The following FBXL4 variants were observed in gnomAD, a reference collection of about 807,000 sequenced individuals.
The protein encoded by FBXL4 is F-box and leucine rich repeat protein 4.
Under a neutral mutation model 58.9 loss-of-function variants are expected in FBXL4, and 40 were observed. The ratio of observed to expected loss-of-function variants is 0.68; its 90% CI spans 0.53 to 0.88. The LOEUF (loss-of-function observed/expected upper bound fraction) is 0.88, where lower values mean the gene tolerates loss of function less well. FBXL4 is among the 40% of genes least tolerant of loss of function. The probability of loss-of-function intolerance (pLI) is 0.00; values close to 1 mark genes in which losing one functional copy is unlikely to be tolerated. For synonymous variants in FBXL4, 263 were observed against 265.5 expected, an observed-to-expected ratio of 0.99 and a Z score of 0.09; for missense variants, 676 against 734.4, an observed-to-expected ratio of 0.92 and a Z score of 0.92.
chr6:98,905,531 T>C lies in FBXL4; in HGVS notation c.998A>G (p.Asp333Gly), dbSNP rs2128393195. 14 of 1,614,000 alleles carry C rather than the reference T, an allele frequency of 8.7e-6. 1 individual carries two copies. The highest frequency in any genetic ancestry group is 6.7e-5 in the East Asian group (3 of 44,856). Residue 333 changes from aspartate to glycine, a missense_variant, in exon 6 of 10, where the codon GAT becomes GGT. Coordinates refer to ENST00000369244, the MANE Select transcript of FBXL4 (RefSeq NM_001278716.2). ...CTGTAGAAATTCCAGAGAAGTGTCA[T>C]CTAGTTTTGCCCAGTATGGTTGCAG... ...LNLQPYWAKLDDTSLEFLQSR... is the reference protein window; with the variant it reads ...LNLQPYWAKLGDTSLEFLQSR...
rs143426881 is a variant in FBXL4 at position 98,939,835 on chromosome 6, G to A, written c.-308-4956C>T. On this transcript the variant is annotated intron_variant, in intron 1 of 9. Transcript: ENST00000369244. Reference sequence around the variant, plus strand: ...GAATCACAAGAAATCACTTCTTACTGTAATACACAATTTACTAGAGACAAA... The same window carrying A: ...GAATCACAAGAAATCACTTCTTACTATAATACACAATTTACTAGAGACAAA... Among the ~76,000 whole-genome samples the A allele has an allele frequency of 2.4e-3, 369 of 152,290 alleles. 2 individuals carry two copies. Among genetic ancestry groups the A allele is most frequent in the African/African-American group, 7.0e-3 (292 of 41,558 alleles).
At chr6:98,914,705 C>T (rs1772261512) in intron 5 of FBXL4, among the ~76,000 whole-genome samples, 1 of 152,166 alleles carries the variant, frequency 6.6e-6, no homozygotes, top group Non-Finnish European at 1.5e-5. Flanking sequence ...AACCCACAGC[C>T]TATATCATAC....
chr6:98,884,029 T>C (rs1198543653), intron 7 of FBXL4, among the ~76,000 whole-genome samples: 1 of 152,046 alleles, frequency 6.6e-6, no homozygotes, highest in African/African-American at 2.4e-5. Flanking sequence ...CATAATTTTT[T>C]TTTATATCTG....
intron 1 of FBXL4, among the ~76,000 whole-genome samples, chr6:98,938,970 C>G (rs955911222): frequency 6.7e-6 from 1 of 149,942 alleles, no homozygotes; most frequent in Non-Finnish European, 1.5e-5. Context: ...CACCTGTAAT[C>G]CTAGCTATTT....
chr6:98,925,877 G>T (rs934995080), intron 4 of FBXL4, among the ~76,000 whole-genome samples: 8 of 152,124 alleles, frequency 5.3e-5, no homozygotes, highest in African/African-American at 1.9e-4. Flanking sequence ...GGAGAACAGG[G>T]TACATGTGAG....
At chr6:98,901,862 T>C (rs1279614355) in intron 6 of FBXL4, among the ~76,000 whole-genome samples, 3 of 152,188 alleles carry the variant, frequency 2.0e-5, no homozygotes, top group Non-Finnish European at 4.4e-5. Context: ...GTTTACTTCC[T>C]GCAGTCAATT....
chr6:98,876,102 T>C (rs932617882), intron 8 of FBXL4, among the ~76,000 whole-genome samples: 16 of 152,308 alleles, frequency 1.1e-4, no homozygotes, highest in Middle Eastern at 6.8e-3. Flanking sequence ...GTTTTATATA[T>C]GGCTAATATA....
At chr6:98,914,419 A>G (rs1772242029) in intron 5 of FBXL4, among the ~76,000 whole-genome samples, 2 of 152,256 alleles carry the variant, frequency 1.3e-5, no homozygotes, top group Admixed American at 6.5e-5. Flanking sequence ...AAAATCCTCA[A>G]TAAAATACTG....
At chr6:98,935,528 G>A (rs1405399419) in intron 1 of FBXL4, among the ~76,000 whole-genome samples, 2 of 151,932 alleles carry the variant, frequency 1.3e-5, no homozygotes, top group African/African-American at 4.8e-5. Context: ...GGTGGCTCAC[G>A]CCTGTAATCC....
intron 8 of FBXL4, among the ~76,000 whole-genome samples, chr6:98,878,443 G>A (rs972522504): frequency 2.6e-5 from 4 of 151,990 alleles, no homozygotes; most frequent in Admixed American, 6.6e-5. Context: ...CTGGGCTCAA[G>A]CAATCCTCCT....
intron 1 of FBXL4, among the ~76,000 whole-genome samples, chr6:98,937,493 TGAC>T (rs1185727291): frequency 6.6e-6 from 1 of 152,162 alleles, no homozygotes; most frequent in African/African-American, 2.4e-5. Context: ...GAAAATATAT[TGAC>T]TACTCATTAA....
intron 2 of FBXL4, among the ~76,000 whole-genome samples, chr6:98,932,675 C>T (rs1391036380): frequency 6.6e-6 from 1 of 151,886 alleles, no homozygotes; most frequent in Non-Finnish European, 1.5e-5. Flanking sequence ...ACAAAGGCAG[C>T]AATCAGAATG....
At chr6:98,928,011 G>A (rs1236858160) in intron 2 of FBXL4, among the ~76,000 whole-genome samples, 189 bp from the exon 3 acceptor site, 2 of 152,052 alleles carry the variant, frequency 1.3e-5, no homozygotes, top group East Asian at 1.9e-4. Flanking sequence ...AATAATGAAC[G>A]CTATCTATAA....
chr6:98,879,633 G>A (rs564452143), intron 8 of FBXL4, among the ~76,000 whole-genome samples: 5 of 151,856 alleles, frequency 3.3e-5, no homozygotes, highest in African/African-American at 4.8e-5. Context: ...CTGTAATCCC[G>A]GCAATTTGGG....
intron 5 of FBXL4, among the ~76,000 whole-genome samples, chr6:98,912,308 T>C (rs1205126741): frequency 6.6e-6 from 1 of 152,038 alleles, no homozygotes; most frequent in African/African-American, 2.4e-5. Flanking sequence ...AACATTCAGA[T>C]TCAGGAGATA....
chr6:98,920,540 C>T (rs1017327535), intron 4 of FBXL4, among the ~76,000 whole-genome samples: 3 of 149,744 alleles, frequency 2.0e-5, no homozygotes, highest in Non-Finnish European at 4.5e-5. Flanking sequence ...TAAAAAGTAA[C>T]AAGAAAAAAA....
At chr6:98,913,286 G>C (rs1475378595) in intron 5 of FBXL4, among the ~76,000 whole-genome samples, 4 of 151,960 alleles carry the variant, frequency 2.6e-5, no homozygotes, top group African/African-American at 9.7e-5. Context: ...AAGTTAACAA[G>C]GATACCCAGA....
Position 98,917,577 on chromosome 6 carries a change from C to T in FBXL4, c.655G>A (p.Glu219Lys). The change falls in exon 5 of 10, where the codon GAA becomes AAA. Residue 219 changes from glutamate (E) to lysine (K), a missense_variant. Coordinates refer to ENST00000369244, the MANE Select transcript of FBXL4 (RefSeq NM_001278716.2). The part of the protein sequence containing the change: ...VNSSLLEYYT[E>K]LDAVVLHGVK... ...CCATGTAGCACAACTGCATCTAATTCAGTGTAATATTCCAGAAGAGAACTA... is the reference window on the plus strand; with the variant it reads ...CCATGTAGCACAACTGCATCTAATTTAGTGTAATATTCCAGAAGAGAACTA... 1 of 1,613,978 alleles carries T rather than the reference C, an allele frequency of 6.2e-7. No individual in the cohort carries two copies. The highest frequency in any genetic ancestry group is 8.5e-7 in the Non-Finnish European group (1 of 1,179,908).
At chr6:98,908,730 T>C (rs192778577) in intron 5 of FBXL4, among the ~76,000 whole-genome samples, 17 of 152,142 alleles carry the variant, frequency 1.1e-4, no homozygotes, top group Non-Finnish European at 4.4e-5. Flanking sequence ...TGTGTTTCTT[T>C]TTTTTTTTAA....
Sources: gnomAD v4.1 joint callset for allele counts (sites outside exome capture counted in the v4.1 genomes callset) on GRCh38, gnomAD v4.1.1 for gene constraint, MANE v1.5 for transcripts, NCBI Gene and HGNC (gene_info 2026-07-23, HGNC 2026-07-21) for gene names.